Variants in LRP1B observed in about 807,000 individuals in gnomAD.
The protein encoded by LRP1B is low-density lipoprotein receptor-related protein 1B.
A neutral mutation model predicts 556.6 loss-of-function variants in LRP1B; 217 were observed. The ratio of observed to expected loss-of-function variants is 0.39; its 90% confidence interval spans 0.35 to 0.44. The LOEUF is 0.44. Ranked by LOEUF, LRP1B falls within the 20% of genes least tolerant of loss-of-function variation. The pLI is 1.00. For missense variants in LRP1B, 5,053 were observed against 5,620.8 expected, an observed-to-expected ratio of 0.90 and a Z score of 3.23; for synonymous variants, 2,047 against 1,865.8, an observed-to-expected ratio of 1.10 and a Z score of -2.50.
chr2:142,087,309 A>C (rs2104942818), intron 1 of LRP1B, among the ~76,000 whole-genome samples: 1 of 152,008 alleles, frequency 6.6e-6, no homozygotes, highest in South Asian at 2.1e-4. Context: ...TCAGTAAACT[A>C]CCCTTTATTT....
intron 6 of LRP1B, among the ~76,000 whole-genome samples, chr2:141,196,331 A>T (rs1295263772): frequency 2.0e-5 from 3 of 152,166 alleles, no homozygotes; most frequent in East Asian, 1.9e-4. Context: ...TAGTATTTTT[A>T]AAATTTAAAG....
At chr2:141,879,272 A>T (rs890530027) in intron 1 of LRP1B, among the ~76,000 whole-genome samples, 1 of 151,868 alleles carries the variant, frequency 6.6e-6, no homozygotes, top group South Asian at 2.1e-4. Context: ...TGATTCTGAT[A>T]TCTAAAAATA....
intron 1 of LRP1B, among the ~76,000 whole-genome samples, chr2:141,909,526 A>ATTTTTTTTT (rs377577096): frequency 2.1e-5 from 2 of 93,394 alleles, no homozygotes; most frequent in African/African-American, 9.3e-5. Flanking sequence ...GGTCTCAGAC[A>ATTTTTTTTT]TTTTTTTTTT....
intron 89 of LRP1B, among the ~76,000 whole-genome samples, chr2:140,236,951 G>A (rs751944858): frequency 1.3e-5 from 2 of 150,886 alleles, no homozygotes; most frequent in African/African-American, 4.8e-5. Context: ...TTTTATACAT[G>A]TATACATTGC....
chr2:142,121,601 C>T (rs769091555), intron 1 of LRP1B, among the ~76,000 whole-genome samples: 1 of 152,172 alleles, frequency 6.6e-6, no homozygotes, highest in Non-Finnish European at 1.5e-5. Flanking sequence ...GTCACTTACT[C>T]AACAAGGCCT....
intron 66 of LRP1B, among the ~76,000 whole-genome samples, chr2:140,398,879 T>C (rs1234688015): frequency 6.6e-6 from 1 of 152,196 alleles, no homozygotes; most frequent in East Asian, 1.9e-4. Flanking sequence ...TGGAATATTT[T>C]TGTTTCAGTA....
intron 2 of LRP1B, among the ~76,000 whole-genome samples, chr2:141,638,588 G>A (rs1189846907): frequency 2.6e-5 from 3 of 117,492 alleles, no homozygotes; most frequent in East Asian, 4.3e-4. Flanking sequence ...ACTGGAGGCC[G>A]AGACCAGGCA....
rs10186372 is a variant in LRP1B, at chr2:140,461,125, T to C, written c.9626-3474A>G. On this transcript the variant is annotated intron_variant, in intron 60 of 90. Coordinates refer to ENST00000389484, the MANE Select transcript of LRP1B (RefSeq NM_018557.3). ...AAAGAAAAGGTGGCTATCCAGAACATGGTTTTGGCTTAACTGTTGCCTCAC... is the reference window on the plus strand; with the variant it reads ...AAAGAAAAGGTGGCTATCCAGAACACGGTTTTGGCTTAACTGTTGCCTCAC... Among the ~76,000 whole-genome samples, 472 of 151,068 alleles carry C rather than the reference T, an allele frequency of 3.1e-3. 2 individuals are homozygous for C. Among genetic ancestry groups the C allele is most frequent in the African/African-American group, 0.011 (458 of 41,234 alleles).
At chr2:141,537,243 A>G (rs1559127266) in intron 2 of LRP1B, among the ~76,000 whole-genome samples, 1 of 152,130 alleles carries the variant, frequency 6.6e-6, no homozygotes, top group Non-Finnish European at 1.5e-5. Flanking sequence ...AAAGGAAAAT[A>G]TATGCATTAA....
chr2:140,330,213 A>ATAATAATAATAAT (rs1491239060), intron 79 of LRP1B, among the ~76,000 whole-genome samples: 1 of 103,522 alleles, frequency 9.7e-6, no homozygotes, highest in East Asian at 2.1e-4. Flanking sequence ...AATAATAATA[A>ATAATAATAATAAT]TAATAATAAT....
intron 1 of LRP1B, among the ~76,000 whole-genome samples, chr2:142,045,793 G>GTGCCACATTGTCTGTAAATGTTAAGCC (rs1417822307): frequency 2.0e-5 from 3 of 151,810 alleles, no homozygotes; most frequent in Non-Finnish European, 2.9e-5. Flanking sequence ...AACTTGCCCA[G>GTGCCACATTGTCTGTAAATGTTAAGCC]TGCCACATTG....
At chr2:141,180,303 TACAGG>T (rs1160951744) in intron 7 of LRP1B, among the ~76,000 whole-genome samples, 4 of 151,050 alleles carry the variant, frequency 2.6e-5, no homozygotes, top group African/African-American at 9.7e-5. Flanking sequence ...TCCTTTCAAA[TACAGG>T]ACTACTGGCT....
intron 3 of LRP1B, among the ~76,000 whole-genome samples, chr2:141,408,479 T>A (rs1421169920): frequency 1.3e-5 from 2 of 152,018 alleles, no homozygotes; most frequent in Non-Finnish European, 2.9e-5. Context: ...CTTAGATAGG[T>A]ATAGGTCCAG....
At position 140,231,484 on chromosome 2, in the gene LRP1B, C is replaced by A. The variant is rs1385283591; in HGVS notation, c.*1702G>T. On this transcript the variant is annotated 3_prime_UTR_variant, in exon 91 of 91. Coordinates refer to ENST00000389484, the MANE Select transcript of LRP1B (RefSeq NM_018557.3). ...ACAATTTTTTATAAAGTATTTAACA[C>A]TTCATTGTAGAAACATAGGCAAAAT... 6.6e-6 allele frequency: 1 copy of A among 151,680 alleles called. No individual in the cohort carries two copies. The highest frequency in any genetic ancestry group is 1.5e-5 in the Non-Finnish European group (1 of 67,556). The allele number at this position is 151,680 out of a possible 1,614,324, so 9.4% of individuals were successfully genotyped here.
At chr2:141,264,884 C>T (rs1684829955) in intron 3 of LRP1B, among the ~76,000 whole-genome samples, 1 of 152,184 alleles carries the variant, frequency 6.6e-6, no homozygotes, top group Non-Finnish European at 1.5e-5. Flanking sequence ...CCTTGGGAGG[C>T]TGAGGCTATA....
chr2:141,919,692 G>A (rs1196964508), intron 1 of LRP1B, among the ~76,000 whole-genome samples: 2 of 151,844 alleles, frequency 1.3e-5, no homozygotes, highest in African/African-American at 4.8e-5. Flanking sequence ...GTATATTATG[G>A]CTACGCATTT....
intron 43 of LRP1B, among the ~76,000 whole-genome samples, chr2:140,546,884 G>T (rs932499126): frequency 6.6e-6 from 1 of 151,976 alleles, no homozygotes; most frequent in Non-Finnish European, 1.5e-5. Flanking sequence ...TTTATCAAAA[G>T]CCTTTTTTGC....
intron 66 of LRP1B, among the ~76,000 whole-genome samples, chr2:140,386,336 G>C (rs934799390): frequency 6.6e-6 from 1 of 152,156 alleles, no homozygotes; most frequent in African/African-American, 2.4e-5. Flanking sequence ...CACTTCGGGA[G>C]GTTGTCCTTT....
At chr2:141,238,248 G>C (rs1683732265) in intron 5 of LRP1B, among the ~76,000 whole-genome samples, 1 of 152,018 alleles carries the variant, frequency 6.6e-6, no homozygotes, top group South Asian at 2.1e-4. Context: ...GTAGCCAGTG[G>C]AAAATACTTT....
Sources: gnomAD v4.1 joint callset for allele counts (sites outside exome capture counted in the v4.1 genomes callset) on GRCh38, gnomAD v4.1.1 for gene constraint, MANE v1.5 for transcripts, NCBI Gene and HGNC (gene_info 2026-07-23, HGNC 2026-07-21) for gene names.